Variants in PPM1E observed in about 807,000 individuals in gnomAD.
The protein encoded by PPM1E is protein phosphatase 1E.
A neutral mutation model predicts 65.9 loss-of-function variants in PPM1E; 20 were observed. That is an observed-to-expected ratio of 0.30 (90% CI 0.21 to 0.44). The LOEUF is 0.44. Among genes scored for constraint, PPM1E ranks in the 20% least tolerant of loss-of-function variants. PPM1E has a pLI of 1.00. For missense variants in PPM1E, 713 were observed against 953.1 expected (o/e 0.75, Z 3.32); for synonymous variants, 352 against 374.9 (o/e 0.94, Z 0.70).
At position 58,773,161 on chromosome 17, in the gene PPM1E, A is replaced by T. The variant is rs185095836; in HGVS notation, c.464+16700A>T. On this transcript the variant is annotated intron_variant, in intron 1 of 6. Coordinates refer to ENST00000308249, the MANE Select transcript of PPM1E (RefSeq NM_014906.5). ...TTATCAGTATTCACTGTGTGACTTT[A>T]TCTTTTAGAGGATAAATGTACTAAA... Among the ~76,000 whole-genome samples, 9 of 152,214 alleles carry T rather than the reference A, an allele frequency of 5.9e-5. No individual in the cohort carries two copies. The East Asian group carries it at 1.7e-3, about 29-fold the overall frequency.
intron 1 of PPM1E, among the ~76,000 whole-genome samples, chr17:58,786,617 T>G (rs2050103624): frequency 6.6e-6 from 1 of 152,184 alleles, no homozygotes; most frequent in Non-Finnish European, 1.5e-5. Flanking sequence ...GTTTAAAACT[T>G]ATGAATTGTT....
At chr17:58,892,250 A>G (rs1022783573) in intron 1 of PPM1E, among the ~76,000 whole-genome samples, 1 of 152,218 alleles carries the variant, frequency 6.6e-6, no homozygotes, top group Non-Finnish European at 1.5e-5. Context: ...GGTAAAAATT[A>G]GGATACATGC....
chr17:58,774,143 CAAG>C (rs2049968475), intron 1 of PPM1E, among the ~76,000 whole-genome samples: 1 of 148,368 alleles, frequency 6.7e-6, no homozygotes, highest in South Asian at 2.1e-4. Flanking sequence ...GCCTGGGTGA[CAAG>C]AGGGAAACTC....
intron 1 of PPM1E, among the ~76,000 whole-genome samples, chr17:58,863,607 C>T (rs1241475622): frequency 6.6e-6 from 1 of 152,182 alleles, no homozygotes; most frequent in Non-Finnish European, 1.5e-5. Context: ...TTTTGGGTTC[C>T]TGCACCCAGT....
chr17:58,839,284 TTGAGTTCAAGTCC>T (rs1349460170), intron 1 of PPM1E, among the ~76,000 whole-genome samples: 1 of 152,042 alleles, frequency 6.6e-6, no homozygotes, highest in Non-Finnish European at 1.5e-5. Context: ...AGCTTGGGAC[TTGAGTTCAAGTCC>T]AGCAACATGG....
At chr17:58,882,459 C>T (rs756025885) in intron 1 of PPM1E, among the ~76,000 whole-genome samples, 12 of 152,122 alleles carry the variant, frequency 7.9e-5, no homozygotes, top group Admixed American at 1.3e-4. Flanking sequence ...GGTGCCATCC[C>T]GGCTCACTGC....
intron 2 of PPM1E, among the ~76,000 whole-genome samples, chr17:58,962,693 C>T (rs1289784798): frequency 1.3e-5 from 2 of 152,180 alleles, no homozygotes; most frequent in Non-Finnish European, 2.9e-5. Flanking sequence ...GTCTATTGGC[C>T]TCAGTTTCCT....
intron 1 of PPM1E, among the ~76,000 whole-genome samples, chr17:58,781,778 C>T (rs964719802): frequency 1.3e-5 from 2 of 151,454 alleles, no homozygotes; most frequent in African/African-American, 4.9e-5. Context: ...CCCAGGTACT[C>T]GGGAGGCTGA....
chr17:58,821,776 C>G (rs1308498269), intron 1 of PPM1E, among the ~76,000 whole-genome samples: 1 of 152,092 alleles, frequency 6.6e-6, no homozygotes, highest in Non-Finnish European at 1.5e-5. Flanking sequence ...AAGGGTTTTC[C>G]TGGGCTTTAG....
chr17:58,978,493 C>G (rs1021905980), intron 6 of PPM1E, among the ~76,000 whole-genome samples: 1 of 152,048 alleles, frequency 6.6e-6, no homozygotes. Context: ...GGCAGATTAT[C>G]AGAGGTCAGG....
intron 4 of PPM1E, among the ~76,000 whole-genome samples, chr17:58,970,348 A>T (rs936484707): frequency 6.6e-6 from 1 of 152,190 alleles, no homozygotes; most frequent in African/African-American, 2.4e-5. Context: ...GTCTAAAAGT[A>T]AAAAAATTAA....
At chr17:58,902,798 A>G (rs1429084056) in intron 1 of PPM1E, among the ~76,000 whole-genome samples, 2 of 152,226 alleles carry the variant, frequency 1.3e-5, no homozygotes, top group African/African-American at 4.8e-5. Context: ...AAATATAAAT[A>G]ATGAACAATG....
At chr17:58,961,810 C>T (rs1389758626) in intron 2 of PPM1E, among the ~76,000 whole-genome samples, 1 of 152,118 alleles carries the variant, frequency 6.6e-6, no homozygotes, top group African/African-American at 2.4e-5. Context: ...TTAATTTTAA[C>T]TTACTTTTTT....
At chr17:58,955,303 T>G (rs1386755984) in intron 1 of PPM1E, among the ~76,000 whole-genome samples, 1 of 152,192 alleles carries the variant, frequency 6.6e-6, no homozygotes, top group Non-Finnish European at 1.5e-5. Context: ...AGGCAGAGGT[T>G]GCGGTGAGCC....
At chr17:58,884,431 T>C (rs1431069481) in intron 1 of PPM1E, among the ~76,000 whole-genome samples, 1 of 152,224 alleles carries the variant, frequency 6.6e-6, no homozygotes, top group Non-Finnish European at 1.5e-5. Flanking sequence ...CACTCTGTCA[T>C]CTACTTTCTG....
At chr17:58,857,702 C>G (rs983134700) in intron 1 of PPM1E, among the ~76,000 whole-genome samples, 2 of 152,008 alleles carry the variant, frequency 1.3e-5, no homozygotes, top group Admixed American at 1.3e-4. Flanking sequence ...CTTTGAAGCT[C>G]TCTGGTAAAA....
At chr17:58,826,913 T>C (rs958117587) in intron 1 of PPM1E, among the ~76,000 whole-genome samples, 6 of 151,590 alleles carry the variant, frequency 4.0e-5, no homozygotes, top group African/African-American at 7.3e-5. Flanking sequence ...ACAGGTGTGA[T>C]GTACAAAAAT....
intron 5 of PPM1E, among the ~76,000 whole-genome samples, chr17:58,972,476 G>A (rs192450003): frequency 2.0e-5 from 3 of 151,816 alleles, no homozygotes; most frequent in Non-Finnish European, 4.4e-5. Context: ...TCAGCCTCCC[G>A]AGTAGCTGGG....
At chr17:58,978,048 A>T (rs1416401588) in intron 6 of PPM1E, among the ~76,000 whole-genome samples, 1 of 152,184 alleles carries the variant, frequency 6.6e-6, no homozygotes. Flanking sequence ...TTCTTGTGTC[A>T]AAGAGAACCT....
Sources: gnomAD v4.1 joint callset for allele counts (sites outside exome capture counted in the v4.1 genomes callset) on GRCh38, gnomAD v4.1.1 for gene constraint, MANE v1.5 for transcripts, NCBI Gene and HGNC (gene_info 2026-07-23, HGNC 2026-07-21) for gene names.